The following KCTD16 variants were observed in gnomAD, a reference collection of about 807,000 sequenced individuals.
The protein encoded by KCTD16 is potassium channel tetramerization domain containing 16.
Under a neutral mutation model 33.2 loss-of-function variants are expected in KCTD16, and 13 were observed. The ratio of observed to expected loss-of-function variants is 0.39; its 90% CI spans 0.25 to 0.62. The LOEUF (loss-of-function observed/expected upper bound fraction) is 0.62. Among genes scored for constraint, KCTD16 ranks in the 20% least tolerant of loss-of-function variants. The pLI is 0.50. For synonymous variants in KCTD16, 197 were observed against 195.3 expected (o/e 1.01, Z -0.07); for missense variants, 441 against 525.1 (o/e 0.84, Z 1.57).
intron 3 of KCTD16, among the ~76,000 whole-genome samples, chr5:144,272,432 A>G (rs924615584): frequency 6.6e-6 from 1 of 152,160 alleles, no homozygotes; most frequent in Non-Finnish European, 1.5e-5. Flanking sequence ...CTCCATCTCA[A>G]AAAAAGGAAA....
At position 144,479,365 on chromosome 5, in the gene KCTD16, C is replaced by CAAAAAAAAA. The variant is rs368957124; in HGVS notation, c.*5259_*5267dup. 1.1e-5 allele frequency: 1 copy of CAAAAAAAAA among 92,478 alleles called. No homozygotes were observed. The highest frequency in any genetic ancestry group is 2.0e-5 in the Non-Finnish European group (1 of 48,972). The allele number at this position is 92,478 out of a possible 1,614,324, so 5.7% of individuals were successfully genotyped here. ...CCAAACTGATGTGTAAGAATAAATG[C>CAAAAAAAAA]AAAAAAAAAAAAAAAAGAAAAAGAA... On this transcript the variant is annotated 3_prime_UTR_variant, in exon 4 of 4. Coordinates refer to ENST00000512467, the MANE Select transcript of KCTD16 (RefSeq NM_020768.4).
At chr5:144,224,627 T>G (rs2126807100) in intron 3 of KCTD16, among the ~76,000 whole-genome samples, 1 of 152,298 alleles carries the variant, frequency 6.6e-6, no homozygotes, top group South Asian at 2.1e-4. Flanking sequence ...GGTAATTCGC[T>G]TCTTTTTATG....
intron 3 of KCTD16, among the ~76,000 whole-genome samples, chr5:144,410,527 G>A (rs1325192590): frequency 2.0e-5 from 3 of 152,032 alleles, no homozygotes; most frequent in African/African-American, 7.2e-5. Flanking sequence ...AGATTGTACA[G>A]TGGATTTTCA....
chr5:144,341,340 A>G (rs1321977132), intron 3 of KCTD16, among the ~76,000 whole-genome samples: 1 of 152,068 alleles, frequency 6.6e-6, no homozygotes, highest in Non-Finnish European at 1.5e-5. Flanking sequence ...ACTTGGGGAG[A>G]AACAGTGTTT....
At chr5:144,180,967 CTG>C (rs1443592960) in intron 2 of KCTD16, among the ~76,000 whole-genome samples, 1 of 150,962 alleles carries the variant, frequency 6.6e-6, no homozygotes, top group East Asian at 1.9e-4. Flanking sequence ...GAGTCTCGCT[CTG>C]TCGCCCAGGC....
intron 3 of KCTD16, among the ~76,000 whole-genome samples, chr5:144,412,640 C>T (rs1439910842): frequency 6.6e-6 from 1 of 152,080 alleles, no homozygotes; most frequent in African/African-American, 2.4e-5. Context: ...AATCCCAGCA[C>T]TTTGGGAGGC....
At chr5:144,326,191 A>G (rs73295849) in intron 3 of KCTD16, among the ~76,000 whole-genome samples, 3,771 of 152,226 alleles carry the variant, frequency 0.025, 72 homozygotes, top group African/African-American at 0.038. Flanking sequence ...ATCTGTGACT[A>G]TTTTTCCTCA....
At chr5:144,304,204 T>C (rs1751525798) in intron 3 of KCTD16, among the ~76,000 whole-genome samples, 1 of 152,098 alleles carries the variant, frequency 6.6e-6, no homozygotes, top group South Asian at 2.1e-4. Flanking sequence ...AAGACCAGGG[T>C]GTCATAGTTA....
intron 3 of KCTD16, among the ~76,000 whole-genome samples, chr5:144,222,476 C>T (rs1188392988): frequency 4.0e-5 from 6 of 151,638 alleles, no homozygotes; most frequent in Non-Finnish European, 8.9e-5. Flanking sequence ...GGCATAATAT[C>T]ACTTAGAAGT....
intron 3 of KCTD16, among the ~76,000 whole-genome samples, chr5:144,399,356 G>T (rs768175429): frequency 6.6e-6 from 1 of 151,218 alleles, no homozygotes; most frequent in African/African-American, 2.4e-5. Context: ...TAGAATCTAG[G>T]GTTAGTGCAA....
intron 3 of KCTD16, among the ~76,000 whole-genome samples, chr5:144,362,729 C>T (rs1292861596): frequency 6.6e-6 from 1 of 152,072 alleles, no homozygotes; most frequent in East Asian, 1.9e-4. Context: ...ATGTGGTTGT[C>T]ATAATTGAAA....
At chr5:144,341,788 C>T (rs989339077) in intron 3 of KCTD16, among the ~76,000 whole-genome samples, 2 of 152,142 alleles carry the variant, frequency 1.3e-5, no homozygotes, top group Non-Finnish European at 2.9e-5. Context: ...GTATCAGATG[C>T]TCATTTATTT....
intron 3 of KCTD16, among the ~76,000 whole-genome samples, chr5:144,418,567 A>G (rs977661938): frequency 6.6e-6 from 1 of 152,136 alleles, no homozygotes; most frequent in South Asian, 2.1e-4. Context: ...TTCACCTCTC[A>G]GAGACTGTAC....
At chr5:144,266,290 G>C (rs1755140056) in intron 3 of KCTD16, among the ~76,000 whole-genome samples, 1 of 152,142 alleles carries the variant, frequency 6.6e-6, no homozygotes, top group South Asian at 2.1e-4. Flanking sequence ...AAAACTGAGA[G>C]AGACACCTTG....
intron 2 of KCTD16, among the ~76,000 whole-genome samples, chr5:144,180,892 C>T (rs1460386514): frequency 6.6e-6 from 1 of 152,020 alleles, no homozygotes; most frequent in Non-Finnish European, 1.5e-5. Flanking sequence ...TAAAGCTGGT[C>T]CATATTCAAG....
intron 3 of KCTD16, among the ~76,000 whole-genome samples, chr5:144,447,078 A>G (rs1241130445): frequency 2.0e-5 from 3 of 152,186 alleles, no homozygotes; most frequent in African/African-American, 7.2e-5. Flanking sequence ...AAGGATTAGA[A>G]ATCATTCTAC....
chr5:144,299,146 A>ATT (rs1751340867), intron 3 of KCTD16, among the ~76,000 whole-genome samples: 6 of 10,298 alleles, frequency 5.8e-4, no homozygotes, highest in Admixed American at 1.4e-3. Flanking sequence ...ATATATATAT[A>ATT]TATTTTTTTT....
chr5:144,316,116 G>T (rs1407636682), intron 3 of KCTD16, among the ~76,000 whole-genome samples: 4 of 151,714 alleles, frequency 2.6e-5, no homozygotes, highest in Non-Finnish European at 1.5e-5. Flanking sequence ...AAACTGGGTT[G>T]TTACAACAAC....
intron 3 of KCTD16, among the ~76,000 whole-genome samples, chr5:144,376,556 G>A (rs914877147): frequency 6.6e-6 from 1 of 152,138 alleles, no homozygotes; most frequent in African/African-American, 2.4e-5. Context: ...GAGAATTTTG[G>A]TTCAAATAAG....
Sources: gnomAD v4.1 joint callset for allele counts (sites outside exome capture counted in the v4.1 genomes callset) on GRCh38, gnomAD v4.1.1 for gene constraint, MANE v1.5 for transcripts, NCBI Gene and HGNC (gene_info 2026-07-23, HGNC 2026-07-21) for gene names.